WDR20: variants seen among roughly 807,000 people sequenced by gnomAD.
WDR20 encodes the protein WD repeat domain 20, also known as WD repeat-containing protein 20.
In WDR20, 3 loss-of-function variants were observed where a neutral mutation model predicts 38.7. That is an observed-to-expected ratio of 0.08 (90% CI 0.04 to 0.20). The LOEUF is 0.20. Among genes scored for constraint, WDR20 ranks in the 10% least tolerant of loss-of-function variants. WDR20 has a pLI of 1.00. For missense variants in WDR20, 559 were observed against 727.7 expected, an observed-to-expected ratio of 0.77 and a Z score of 2.67; for synonymous variants, 298 against 285.6, an observed-to-expected ratio of 1.04 and a Z score of -0.44.
intron 1 of WDR20, among the ~76,000 whole-genome samples, chr14:102,145,538 G>A (rs1247119928): frequency 6.6e-6 from 1 of 152,166 alleles, no homozygotes; most frequent in African/African-American, 2.4e-5. Context: ...CGGGAGGATT[G>A]CAGGGGTCCA....
Position 102,208,968 on chromosome 14 carries a change from G to C in WDR20, c.798G>C (p.Leu266=), listed in dbSNP as rs758071845. ...TGAAAAGCTACTTTGGGGGCTTGCT[G>C]TGTGTGTGCTGGAGCCCGGATGGCA... ...GTMKSYFGGL[L]CVCWSPDGKY... Residue 266 remains leucine, a synonymous_variant, in exon 3 of 3, where the codon CTG becomes CTC. Coordinates refer to ENST00000342702, the MANE Select transcript of WDR20 (RefSeq NM_144574.4). The surrounding 1 kb of genome is among the most constrained non-coding windows in gnomAD (Gnocchi z 5.6). 1.2e-5 allele frequency: 19 copies of C among 1,614,214 alleles called. No individual in the cohort carries two copies. The highest frequency in any genetic ancestry group is 2.2e-5 in the East Asian group (1 of 44,892).
chr14:102,156,541 G>C (rs749457308), intron 1 of WDR20, among the ~76,000 whole-genome samples: 6 of 151,894 alleles, frequency 4.0e-5, no homozygotes, highest in Non-Finnish European at 7.4e-5. Flanking sequence ...TAATACAACT[G>C]TACTTTAATG....
intron 1 of WDR20, among the ~76,000 whole-genome samples, chr14:102,149,988 C>T (rs1339642766): frequency 2.6e-5 from 4 of 152,138 alleles, no homozygotes. Flanking sequence ...CCACCGCACC[C>T]AGACGTCGAT....
intron 1 of WDR20, among the ~76,000 whole-genome samples, chr14:102,172,560 A>G (rs1321175330): frequency 1.4e-4 from 18 of 125,544 alleles, no homozygotes; most frequent in Admixed American, 7.8e-5. Context: ...TCCCTCCCGG[A>G]CGGGGCGGCT....
At chr14:102,200,470 TGTGTG>T (rs1567024373) in intron 2 of WDR20, among the ~76,000 whole-genome samples, 9 of 78,788 alleles carry the variant, frequency 1.1e-4, no homozygotes, top group South Asian at 5.6e-4. Flanking sequence ...TTTTTTTTTG[TGTGTG>T]TGTGTGTGTG....
At chr14:102,181,308 G>C (rs1248232279) in intron 1 of WDR20, among the ~76,000 whole-genome samples, 1 of 152,168 alleles carries the variant, frequency 6.6e-6, no homozygotes, top group Non-Finnish European at 1.5e-5. Context: ...AGGAGACTGA[G>C]AAATGAGGGC....
At chr14:102,159,603 G>C (rs549307334) in intron 1 of WDR20, among the ~76,000 whole-genome samples, 11 of 152,308 alleles carry the variant, frequency 7.2e-5, no homozygotes, top group Non-Finnish European at 1.6e-4. Flanking sequence ...GGAGGCTGAG[G>C]TGGGCAGATT....
chr14:102,217,028 A>T (rs949286359), downstream of WDR20, among the ~76,000 whole-genome samples: 5 of 152,178 alleles, frequency 3.3e-5, no homozygotes, highest in Non-Finnish European at 7.3e-5. Context: ...GACCATCTAG[A>T]GGCTCTCAGC....
chr14:102,154,014 T>C (rs900201420), intron 1 of WDR20, among the ~76,000 whole-genome samples: 3 of 152,186 alleles, frequency 2.0e-5, no homozygotes, highest in African/African-American at 7.2e-5. Context: ...TAAAAATTTT[T>C]TTAAATGAGC....
At chr14:102,169,907 T>A (rs1399102463) in intron 1 of WDR20, among the ~76,000 whole-genome samples, 2 of 152,158 alleles carry the variant, frequency 1.3e-5, no homozygotes, top group Non-Finnish European at 2.9e-5. Context: ...TATTTTTTAA[T>A]AGGTAATACG....
At chr14:102,200,495 G>T (rs1239765095) in intron 2 of WDR20, among the ~76,000 whole-genome samples, 3 of 132,128 alleles carry the variant, frequency 2.3e-5, no homozygotes, top group Non-Finnish European at 4.8e-5. Context: ...GTGTGTGTGT[G>T]TGTGTGTGTG....
downstream of WDR20, among the ~76,000 whole-genome samples, chr14:102,216,092 C>T (rs1355973457): frequency 1.3e-5 from 2 of 152,182 alleles, no homozygotes; most frequent in African/African-American, 4.8e-5. Context: ...GCCTCCAGCA[C>T]GTTCATCGGG....
chr14:102,182,973 G>GTGA (rs1282263889), intron 1 of WDR20, among the ~76,000 whole-genome samples: 1 of 151,298 alleles, frequency 6.6e-6, no homozygotes, highest in African/African-American at 2.4e-5. Flanking sequence ...CTGAGGCAGG[G>GTGA]TAATCACATG....
intron 1 of WDR20, among the ~76,000 whole-genome samples, chr14:102,161,347 T>G (rs1329633623): frequency 6.7e-6 from 1 of 148,190 alleles, no homozygotes; most frequent in East Asian, 2.0e-4. Flanking sequence ...AGGATCTCTC[T>G]CTGTCACCCA....
rs533863519 is a variant in WDR20, at chr14:102,174,399, G to A, written c.250-20539G>A. 1.6e-4 allele frequency among the ~76,000 whole-genome samples: 24 copies of A among 152,186 alleles called. No homozygotes were observed. In the South Asian group the frequency reaches 5.0e-3, roughly 32 times the overall value. ...CTCGCTTTTCACCACATCCACACCA[G>A]CATCTGTTATTTTTATTTATTTATT... On this transcript the variant is annotated intron_variant, in intron 1 of 2. Transcript: ENST00000342702.
intron 1 of WDR20, among the ~76,000 whole-genome samples, chr14:102,194,507 T>A (rs2059088150): frequency 6.6e-6 from 1 of 152,220 alleles, no homozygotes; most frequent in African/African-American, 2.4e-5. Context: ...GATTACACTT[T>A]GAGAACCACT....
At chr14:102,140,571 TGGGTTAGAGAACA>T (rs1236584514) in intron 1 of WDR20, among the ~76,000 whole-genome samples, 1 of 152,050 alleles carries the variant, frequency 6.6e-6, no homozygotes, top group African/African-American at 2.4e-5. Context: ...AGTCTCGCCC[TGGGTTAGAGAACA>T]GGGACGCAAG....
intron 1 of WDR20, among the ~76,000 whole-genome samples, chr14:102,150,410 C>T (rs1050855471): frequency 6.6e-6 from 1 of 151,958 alleles, no homozygotes; most frequent in African/African-American, 2.4e-5. Flanking sequence ...GTGGGGAGGT[C>T]GAGGCTGCAC....
intron 1 of WDR20, among the ~76,000 whole-genome samples, chr14:102,145,436 C>T (rs2053250258): frequency 6.6e-6 from 1 of 152,204 alleles, no homozygotes; most frequent in African/African-American, 2.4e-5. Context: ...AACCATGTCA[C>T]CTACAAGATC....
Sources: gnomAD v4.1 joint callset for allele counts (sites outside exome capture counted in the v4.1 genomes callset) on GRCh38, gnomAD v4.1.1 for gene constraint, Gnocchi (gnomAD v3.1) non-coding constraint, MANE v1.5 for transcripts, NCBI Gene and HGNC (gene_info 2026-07-23, HGNC 2026-07-21) for gene names.